The following PCDH15 variants were observed in gnomAD, a reference collection of about 807,000 sequenced individuals.
PCDH15 encodes protocadherin-15.
Under a neutral mutation model 178.5 loss-of-function variants are expected in PCDH15, and 129 were observed. The observed-to-expected ratio is 0.72, with a 90% CI of 0.63 to 0.84. The LOEUF (loss-of-function observed/expected upper bound fraction) is 0.84, where lower values mean the gene tolerates loss of function less well. Ranked by LOEUF, PCDH15 falls within the 40% of genes least tolerant of loss-of-function variation. PCDH15 has a pLI of 0.00. For missense variants in PCDH15, 2,230 were observed against 2,099.9 expected (o/e 1.06, Z -1.21); for synonymous variants, 800 against 732.0 (o/e 1.09, Z -1.50).
chr10:55,587,602 T>G (rs1842750774), intron 2 of PCDH15, among the ~76,000 whole-genome samples: 1 of 152,000 alleles, frequency 6.6e-6, no homozygotes, highest in Admixed American at 6.6e-5. Flanking sequence ...TCTTCTAGAG[T>G]GAACAAAAGA....
chr10:53,958,910 T>G (rs1190412235), intron 23 of PCDH15, among the ~76,000 whole-genome samples: 1 of 127,152 alleles, frequency 7.9e-6, no homozygotes, highest in East Asian at 2.4e-4. Context: ...ACCCAGGAGG[T>G]GGAGCTTGTA....
chr10:54,673,017 T>C lies in PCDH15; in HGVS notation c.-28-8727A>G, dbSNP rs7916643. ...CAGGTAGTATCTACATTCCTAATTT[T>C]TTTTCTTAAATCTGCTTGCATTTAA... On this transcript the variant is annotated intron_variant, in intron 1 of 37. Transcript: ENST00000644397. 1.4e-3 allele frequency among the ~76,000 whole-genome samples: 211 copies of C among 152,284 alleles called. 3 individuals are homozygous for C. The highest frequency in any genetic ancestry group is 4.9e-3 in the African/African-American group (203 of 41,554).
At chr10:54,231,217 G>C (rs1321651455) in intron 9 of PCDH15, among the ~76,000 whole-genome samples, 1 of 152,224 alleles carries the variant, frequency 6.6e-6, no homozygotes, top group Non-Finnish European at 1.5e-5. Flanking sequence ...TCAGGACACT[G>C]CTTCCTGCAT....
chr10:55,488,140 T>C (rs950057455), intron 2 of PCDH15, among the ~76,000 whole-genome samples: 2 of 151,594 alleles, frequency 1.3e-5, no homozygotes, highest in Admixed American at 6.6e-5. Flanking sequence ...TTTCTCCAAC[T>C]CACAAACATC....
At chr10:54,840,844 A>G (rs905716379) in intron 3 of PCDH15, among the ~76,000 whole-genome samples, 11 of 151,848 alleles carry the variant, frequency 7.2e-5, no homozygotes, top group African/African-American at 4.8e-5. Context: ...AAATCAATAT[A>G]TAACAACAAA....
At chr10:55,219,177 G>C (rs1400148216) in intron 1 of PCDH15, among the ~76,000 whole-genome samples, 1 of 151,896 alleles carries the variant, frequency 6.6e-6, no homozygotes, top group Non-Finnish European at 1.5e-5. Context: ...ATATATCCCA[G>C]ATAAAGCTTC....
At chr10:54,498,644 T>C (rs1320554653) in intron 3 of PCDH15, among the ~76,000 whole-genome samples, 1 of 152,086 alleles carries the variant, frequency 6.6e-6, no homozygotes, top group Non-Finnish European at 1.5e-5. Context: ...CTATTCTTAT[T>C]ACAGACAGAA....
intron 2 of PCDH15, among the ~76,000 whole-genome samples, chr10:55,424,152 A>G (rs1838692533): frequency 6.6e-6 from 1 of 152,122 alleles, no homozygotes; most frequent in South Asian, 2.1e-4. Context: ...CTTCTCCAAA[A>G]AGGAACTCTA....
At chr10:55,035,669 A>G (rs1259222451) in intron 2 of PCDH15, among the ~76,000 whole-genome samples, 1 of 152,216 alleles carries the variant, frequency 6.6e-6, no homozygotes, top group Non-Finnish European at 1.5e-5. Flanking sequence ...GATGCTCAAT[A>G]AATGCTTATT....
At chr10:54,626,707 T>C (rs113368724) in intron 2 of PCDH15, among the ~76,000 whole-genome samples, 61 of 152,124 alleles carry the variant, frequency 4.0e-4, no homozygotes, top group African/African-American at 1.4e-3. Context: ...AAATGTGGGG[T>C]TGAAGTCCCT....
chr10:54,215,227 T>C (rs1487476912), intron 9 of PCDH15, among the ~76,000 whole-genome samples: 5 of 152,152 alleles, frequency 3.3e-5, no homozygotes, highest in Non-Finnish European at 7.3e-5. Context: ...ACAGAGCTTT[T>C]ATTAAAAATC....
intron 2 of PCDH15, among the ~76,000 whole-genome samples, chr10:54,575,823 A>AT (rs1490921179): frequency 6.6e-6 from 1 of 152,168 alleles, no homozygotes; most frequent in Non-Finnish European, 1.5e-5. Context: ...ACACTTACTA[A>AT]TTTTAACAGA....
intron 15 of PCDH15, among the ~76,000 whole-genome samples, chr10:54,096,198 G>A (rs113044626): frequency 9.2e-5 from 14 of 151,540 alleles, no homozygotes; most frequent in African/African-American, 2.7e-4. Context: ...AACTTATCTC[G>A]AGTTTCCCTT....
chr10:53,969,550 T>G (rs1429606587), intron 21 of PCDH15, among the ~76,000 whole-genome samples: 1 of 152,094 alleles, frequency 6.6e-6, no homozygotes, highest in African/African-American at 2.4e-5. Context: ...CCAAGGCACA[T>G]GATTGTCAGA....
chr10:55,098,653 T>C (rs1418449133), intron 2 of PCDH15, among the ~76,000 whole-genome samples: 1 of 151,916 alleles, frequency 6.6e-6, no homozygotes, highest in African/African-American at 2.4e-5. Context: ...TGCATAAGAT[T>C]AGGGTGGGGT....
intron 2 of PCDH15, among the ~76,000 whole-genome samples, chr10:54,968,250 T>C (rs533643934): frequency 2.6e-5 from 4 of 152,252 alleles, no homozygotes; most frequent in South Asian, 4.1e-4. Flanking sequence ...TATCAATTAG[T>C]AAGAGACAGG....
intron 2 of PCDH15, among the ~76,000 whole-genome samples, chr10:54,656,247 A>G (rs553209178): frequency 6.6e-6 from 1 of 152,244 alleles, no homozygotes; most frequent in East Asian, 1.9e-4. Context: ...GACCTGTCAG[A>G]GAACCCACAA....
At chr10:54,192,909 A>C (rs970205752) in intron 11 of PCDH15, among the ~76,000 whole-genome samples, 11 of 152,266 alleles carry the variant, frequency 7.2e-5, no homozygotes, top group East Asian at 5.8e-4. Flanking sequence ...CTAAAGACAC[A>C]TACCAAGGCA....
rs368289462 is a variant in PCDH15 at position 54,919,562 on chromosome 10, T to C, written c.-79-22062A>G. On this transcript the variant is annotated intron_variant, in intron 2 of 5. Coordinates refer to the PCDH15 transcript ENST00000458638. ...AGTAACTCACATGTATCTCCTTTGC[T>C]TCGGATACATTACCCTTACTGTACA... Among the ~76,000 whole-genome samples the C allele has an allele frequency of 1.9e-4, 29 of 152,304 alleles. No individual in the cohort carries two copies. The East Asian group carries it at 2.9e-3, about 15-fold the overall frequency.
Sources: gnomAD v4.1 joint callset for allele counts (sites outside exome capture counted in the v4.1 genomes callset) on GRCh38, gnomAD v4.1.1 for gene constraint, MANE v1.5 for transcripts, NCBI Gene and HGNC (gene_info 2026-07-23, HGNC 2026-07-21) for gene names.